The following MAPT variants were observed in gnomAD, a reference collection of about 807,000 sequenced individuals.
MAPT encodes microtubule-associated protein tau.
A neutral mutation model predicts 67.9 loss-of-function variants in MAPT; 34 were observed. The observed-to-expected ratio is 0.50, with a 90% CI of 0.38 to 0.67. MAPT has a LOEUF of 0.67. Ranked by LOEUF, MAPT falls within the 30% of genes least tolerant of loss-of-function variation. The probability of loss-of-function intolerance (pLI) is 0.00; values close to 1 mark genes in which losing one functional copy is unlikely to be tolerated. For missense variants in MAPT, 881 were observed against 1,115.2 expected (o/e 0.79, Z 2.99); for synonymous variants, 456 against 464.5 (o/e 0.98, Z 0.23).
rs1224958529 is a variant in MAPT, at chr17:46,026,258, C to CCAA, written c.*2090_*2092dup. 6.6e-6 allele frequency: 1 copy of CCAA among 152,646 alleles called. No homozygotes were observed. Among genetic ancestry groups the CCAA allele is most frequent in the Non-Finnish European group, 1.5e-5 (1 of 68,146 alleles). The allele number at this position is 152,646 out of a possible 1,614,324, so 9.5% of individuals were successfully genotyped here. ...AAAGGCTTTCCTCAGCACCTGGGAC[C>CCAA]CAACAGAGACCAGCTTCTAGCAGCT... On this transcript the variant is annotated 3_prime_UTR_variant, in exon 13 of 13. Coordinates refer to ENST00000262410, the MANE Select transcript of MAPT (RefSeq NM_001377265.1).
intron 4 of MAPT, chr17:45,980,169 C>G (rs2072795815): frequency 6.6e-6 from 1 of 152,132 alleles, no homozygotes; most frequent in South Asian, 2.1e-4. Flanking sequence ...TTAGTATTTG[C>G]TGAGTACTTC....
intron 1 of MAPT, among the ~76,000 whole-genome samples, chr17:45,947,097 T>A (rs550661714): frequency 1.3e-5 from 2 of 152,250 alleles, no homozygotes; most frequent in South Asian, 4.1e-4. Context: ...TAGTAGTAGT[T>A]CAATTTGGTT....
intron 1 of MAPT, among the ~76,000 whole-genome samples, chr17:45,908,846 A>G (rs1022134399): frequency 1.3e-5 from 2 of 152,186 alleles, no homozygotes; most frequent in African/African-American, 2.4e-5. Context: ...AAGATACCAT[A>G]TGTGATATCC....
At chr17:45,982,603 C>T (rs531761301) in intron 4 of MAPT, among the ~76,000 whole-genome samples, 2 of 152,196 alleles carry the variant, frequency 1.3e-5, no homozygotes, top group South Asian at 2.1e-4. Flanking sequence ...GAGGTCACCA[C>T]GTCCAAGAAC....
rs1231265094 is a variant in MAPT at position 45,955,734 on chromosome 17, T to C, written c.-17-6587T>C. ...CACGGCACAAACACTCCTTCCTTTT[T>C]TTTTTTTCTTTTTCCTTTTTGAAAG... On this transcript the variant is annotated intron_variant, in intron 1 of 12. Transcript: ENST00000262410. 3.3e-5 allele frequency among the ~76,000 whole-genome samples: 5 copies of C among 152,204 alleles called. No individual in the cohort carries two copies. The East Asian group carries it at 9.6e-4, about 29-fold the overall frequency.
At chr17:45,955,831 G>T (rs2069589050) in intron 1 of MAPT, among the ~76,000 whole-genome samples, 1 of 152,018 alleles carries the variant, frequency 6.6e-6, no homozygotes, top group Non-Finnish European at 1.5e-5. Flanking sequence ...CGCCTCCTAG[G>T]TTCAAGCGAT....
At chr17:45,946,615 AATATATAT>A (rs1177094945) in intron 1 of MAPT, among the ~76,000 whole-genome samples, 2 of 100,406 alleles carry the variant, frequency 2.0e-5, no homozygotes, top group African/African-American at 8.7e-5. Flanking sequence ...AAAAAAAAAA[AATATATAT>A]ATATATATAT....
intron 5 of MAPT, among the ~76,000 whole-genome samples, chr17:45,985,219 T>G (rs1459299917): frequency 6.6e-6 from 1 of 151,998 alleles, no homozygotes; most frequent in Non-Finnish European, 1.5e-5. Context: ...GCAGGATAAG[T>G]GCTTGAACCC....
At chr17:45,919,715 T>A (rs915372496) in intron 1 of MAPT, among the ~76,000 whole-genome samples, 5 of 152,228 alleles carry the variant, frequency 3.3e-5, no homozygotes, top group African/African-American at 1.2e-4. Flanking sequence ...GAGACCAACC[T>A]GAGCAACATA....
At chr17:45,960,285 C>T (rs1204076567) in intron 1 of MAPT, among the ~76,000 whole-genome samples, 1 of 152,242 alleles carries the variant, frequency 6.6e-6, no homozygotes, top group African/African-American at 2.4e-5. Context: ...TCAGAGTCAC[C>T]GTGTGCCCTG....
At chr17:45,978,756 G>T in intron 4 of MAPT, 1 of 300,004 alleles carries the variant, frequency 3.3e-6, no homozygotes. Flanking sequence ...TCTAATCCCA[G>T]CACTATGGGA....
intron 9 of MAPT, chr17:45,999,595 C>A: frequency 6.2e-7 from 1 of 1,612,086 alleles, no homozygotes; most frequent in Non-Finnish European, 8.5e-7. Flanking sequence ...CCAGAACTGT[C>A]CCTCCCACCC....
intron 5 of MAPT, among the ~76,000 whole-genome samples, chr17:45,984,533 G>A (rs950667680): frequency 6.6e-6 from 1 of 152,228 alleles, no homozygotes; most frequent in Non-Finnish European, 1.5e-5. Context: ...CACAGCAGGT[G>A]ACACACACAG....
chr17:46,020,471 T>G (rs1380234084), intron 12 of MAPT, among the ~76,000 whole-genome samples: 1 of 152,046 alleles, frequency 6.6e-6, no homozygotes, highest in Non-Finnish European at 1.5e-5. Flanking sequence ...ACCTTCAGGG[T>G]CTCCCAGCAG....
At chr17:45,952,602 T>C (rs1394220637) in intron 1 of MAPT, among the ~76,000 whole-genome samples, 3 of 152,012 alleles carry the variant, frequency 2.0e-5, no homozygotes, top group Non-Finnish European at 1.5e-5. Flanking sequence ...CTGGGCAACA[T>C]AGTGAAACCC....
rs367882540 is a variant in MAPT, at chr17:45,995,284, C to T, written c.1733-1115C>T. On this transcript the variant is annotated intron_variant, in intron 8 of 12. Coordinates refer to ENST00000262410, the MANE Select transcript of MAPT (RefSeq NM_001377265.1). The surrounding 1 kb of genome is among the most constrained non-coding windows in gnomAD (Gnocchi z 4.3). ...GACTGCAGGGGAGCTAAGCACACCT[C>T]GGCACAGGGTGAGGCCTGCGGTTCT... 6.6e-6 allele frequency among the ~76,000 whole-genome samples: 1 copy of T among 152,156 alleles called. No homozygotes were observed. Among genetic ancestry groups the T allele is most frequent in the South Asian group, 2.1e-4 (1 of 4,822 alleles).
intron 2 of MAPT, among the ~76,000 whole-genome samples, chr17:45,962,916 C>G (rs1015415617): frequency 2.0e-5 from 3 of 148,794 alleles, no homozygotes; most frequent in Non-Finnish European, 3.0e-5. Flanking sequence ...CAGAGCAAGA[C>G]CCTGTCAAAA....
At chr17:45,946,887 A>T (rs1351657468) in intron 1 of MAPT, among the ~76,000 whole-genome samples, 1 of 152,000 alleles carries the variant, frequency 6.6e-6, no homozygotes, top group African/African-American at 2.4e-5. Context: ...AGCAGCAACC[A>T]TCCGTGTGCA....
chr17:45,896,764 C>G lies in MAPT; in HGVS notation c.-18+2078C>G, dbSNP rs1036013318. 2 of 152,216 alleles carry G rather than the reference C, an allele frequency of 1.3e-5. No individual in the cohort carries two copies. Among genetic ancestry groups the G allele is most frequent in the Non-Finnish European group, 2.9e-5 (2 of 68,076 alleles). 9.4% of individuals were successfully genotyped at this position (152,216 alleles called of 1,614,324 possible). A position where few individuals can be genotyped will look rare whatever the true frequency, so the allele number is the denominator to read the frequency against. The stretch of plus-strand genomic sequence containing the variant: ...GTCCGTACTGATTAATATTATTTAT[C>G]TTAAATAAATTTCACCCGTGTCCAA... On this transcript the variant is annotated intron_variant, in intron 1 of 12. Transcript: ENST00000262410. This position sits in a 1 kb window ranked among gnomAD's most constrained non-coding sequence, Gnocchi z 5.6.
Sources: allele counts gnomAD v4.1 joint callset (sites outside exome capture counted in the v4.1 genomes callset), GRCh38; gene constraint gnomAD v4.1.1; non-coding constraint Gnocchi (gnomAD v3.1); transcripts MANE v1.5; gene names NCBI Gene and HGNC (gene_info 2026-07-23, HGNC 2026-07-21).